Variants in MACROD2 observed in about 807,000 individuals in gnomAD.
MACROD2 encodes mono-ADP ribosylhydrolase 2, also known as ADP-ribose glycohydrolase MACROD2.
In MACROD2, 36 loss-of-function variants were observed where a neutral mutation model predicts 70.4. The ratio of observed to expected loss-of-function variants is 0.51; its 90% CI spans 0.39 to 0.68. The LOEUF (loss-of-function observed/expected upper bound fraction) is 0.68, where lower values mean the gene tolerates loss of function less well. Among genes scored for constraint, MACROD2 ranks in the 30% least tolerant of loss-of-function variants. MACROD2 has a pLI of 0.00. For missense variants in MACROD2, 496 were observed against 538.4 expected (o/e 0.92, Z 0.78); for synonymous variants, 172 against 178.8 (o/e 0.96, Z 0.30).
chr20:15,258,084 C>T (rs2077215493), intron 6 of MACROD2, among the ~76,000 whole-genome samples: 1 of 150,078 alleles, frequency 6.7e-6, no homozygotes, highest in African/African-American at 2.5e-5. Flanking sequence ...TTATAGAACA[C>T]ATATATATAG....
chr20:15,387,358 TCCTCTCCCTTTCTTC>T (rs1159616791), intron 6 of MACROD2, among the ~76,000 whole-genome samples: 1 of 126,136 alleles, frequency 7.9e-6, no homozygotes, highest in African/African-American at 2.8e-5. Flanking sequence ...CTGCTTCTAT[TCCTCTCCCTTTCTTC>T]CCTCTCTTCC....
Position 15,556,429 on chromosome 20 carries a change from C to T in MACROD2, c.645+56582C>T, listed in dbSNP as rs144537023. Among the ~76,000 whole-genome samples the T allele has an allele frequency of 1.3e-4, 20 of 152,056 alleles. No individual in the cohort carries two copies. In the East Asian group the frequency reaches 3.3e-3, roughly 25 times the overall value. On this transcript the variant is annotated intron_variant, in intron 8 of 17. Coordinates refer to ENST00000684519, the MANE Select transcript of MACROD2 (RefSeq NM_001351661.2). ...TTTGCTTAAACTGAAGCTGTTTATC[C>T]ACTGATAAAATAACCTCTGTGTATT...
At position 14,022,176 on chromosome 20, in the gene MACROD2, G is replaced by A. The variant is rs560873496; in HGVS notation, c.163+19772G>A. On this transcript the variant is annotated intron_variant, in intron 2 of 17. Transcript: ENST00000684519. ...CTTCCTCGAGCTTCCATGTTCTGTTGAAGCAGCTGTAAGATACACATTTTA... is the reference window on the plus strand; with the variant it reads ...CTTCCTCGAGCTTCCATGTTCTGTTAAAGCAGCTGTAAGATACACATTTTA... 3.3e-5 allele frequency among the ~76,000 whole-genome samples: 5 copies of A among 152,230 alleles called. No homozygotes were observed. The South Asian group carries it at 8.3e-4, about 25-fold the overall frequency.
intron 2 of MACROD2, among the ~76,000 whole-genome samples, chr20:14,030,247 A>C (rs1437788790): frequency 6.6e-6 from 1 of 152,128 alleles, no homozygotes; most frequent in Non-Finnish European, 1.5e-5. Context: ...TATGATGCCC[A>C]GGCTGGTCTC....
At chr20:15,633,536 A>G (rs1275041120) in intron 8 of MACROD2, among the ~76,000 whole-genome samples, 1 of 150,766 alleles carries the variant, frequency 6.6e-6, no homozygotes, top group Non-Finnish European at 1.5e-5. Context: ...AATCATGACA[A>G]CTCTTATTTG....
chr20:14,789,251 A>G (rs1600665752), intron 5 of MACROD2, among the ~76,000 whole-genome samples: 1 of 151,984 alleles, frequency 6.6e-6, no homozygotes, highest in African/African-American at 2.4e-5. Flanking sequence ...AAACTTTGCC[A>G]TATGTGTATG....
intron 3 of MACROD2, among the ~76,000 whole-genome samples, chr20:14,169,294 A>T (rs912472671): frequency 6.6e-6 from 1 of 151,812 alleles, no homozygotes; most frequent in Admixed American, 6.6e-5. Flanking sequence ...AAAACTTATC[A>T]ATTATACTTT....
At chr20:14,852,490 AAGAGGGAAT>A (rs1374612632) in intron 5 of MACROD2, among the ~76,000 whole-genome samples, 1 of 152,112 alleles carries the variant, frequency 6.6e-6, no homozygotes, top group Non-Finnish European at 1.5e-5. Context: ...TAGTGGAGGA[AAGAGGGAAT>A]AGTGGTATTA....
chr20:15,674,477 C>A (rs960240962), intron 8 of MACROD2, among the ~76,000 whole-genome samples: 2 of 152,034 alleles, frequency 1.3e-5, no homozygotes, highest in African/African-American at 2.4e-5. Flanking sequence ...ATTATCATTA[C>A]ATTTAGAAGC....
chr20:14,045,150 C>G (rs955997439), intron 2 of MACROD2, among the ~76,000 whole-genome samples: 9 of 152,264 alleles, frequency 5.9e-5, no homozygotes, highest in African/African-American at 2.2e-4. Flanking sequence ...GCCCCGGTTC[C>G]CGCCTGCGCC....
chr20:15,123,494 G>C (rs2076044978), intron 5 of MACROD2, among the ~76,000 whole-genome samples: 1 of 152,142 alleles, frequency 6.6e-6, no homozygotes, highest in Admixed American at 6.5e-5. Context: ...TGAAGACTTA[G>C]TATATAATAA....
intron 5 of MACROD2, among the ~76,000 whole-genome samples, chr20:15,080,149 A>C (rs1230838821): frequency 6.6e-6 from 1 of 151,666 alleles, no homozygotes; most frequent in African/African-American, 2.4e-5. Flanking sequence ...TAAATAAATA[A>C]ATAAATAAAT....
chr20:15,918,755 G>T (rs6080023), intron 10 of MACROD2, among the ~76,000 whole-genome samples: 1 of 152,108 alleles, frequency 6.6e-6, no homozygotes, highest in African/African-American at 2.4e-5. Flanking sequence ...TCTGCCTTAC[G>T]GGTAGTGTGC....
At chr20:15,825,828 A>T (rs1410226875) in intron 8 of MACROD2, among the ~76,000 whole-genome samples, 1 of 152,162 alleles carries the variant, frequency 6.6e-6, no homozygotes, top group Non-Finnish European at 1.5e-5. Flanking sequence ...GCTAGAGAAG[A>T]TATCAGTGAT....
At chr20:15,242,634 C>T (rs182131739) in intron 6 of MACROD2, among the ~76,000 whole-genome samples, 264 of 152,072 alleles carry the variant, frequency 1.7e-3, no homozygotes, top group South Asian at 0.017. Context: ...AATTTTTAAG[C>T]TATCGTAAGA....
At chr20:15,738,240 A>G (rs2051053948) in intron 8 of MACROD2, among the ~76,000 whole-genome samples, 1 of 152,210 alleles carries the variant, frequency 6.6e-6, no homozygotes, top group African/African-American at 2.4e-5. Context: ...GGTGATAGAT[A>G]CCTCATTTAT....
At chr20:15,075,908 G>C (rs2075653877) in intron 5 of MACROD2, among the ~76,000 whole-genome samples, 1 of 152,052 alleles carries the variant, frequency 6.6e-6, no homozygotes, top group African/African-American at 2.4e-5. Flanking sequence ...GTGTAAACCA[G>C]GTACTTTTAG....
intron 4 of MACROD2, among the ~76,000 whole-genome samples, chr20:14,517,273 G>A (rs1345268351): frequency 6.6e-6 from 1 of 152,086 alleles, no homozygotes; most frequent in African/African-American, 2.4e-5. Flanking sequence ...CAATAACAAA[G>A]ACTTGGAACC....
intron 2 of MACROD2, among the ~76,000 whole-genome samples, chr20:14,025,802 G>A (rs893548794): frequency 6.6e-6 from 1 of 152,180 alleles, no homozygotes; most frequent in Non-Finnish European, 1.5e-5. Context: ...ATGTGGTGCT[G>A]AGAAGAATGT....
Sources: allele counts gnomAD v4.1 joint callset (sites outside exome capture counted in the v4.1 genomes callset), GRCh38; gene constraint gnomAD v4.1.1; transcripts MANE v1.5; gene names NCBI Gene and HGNC (gene_info 2026-07-23, HGNC 2026-07-21).